The following CTNNA3 variants were observed in gnomAD, a reference collection of about 807,000 sequenced individuals.
The protein encoded by CTNNA3 is catenin alpha 3.
CTNNA3 carries 76 observed loss-of-function variants against 95.7 expected under a neutral mutation model. The ratio of observed to expected loss-of-function variants is 0.79; its 90% confidence interval spans 0.66 to 0.96. The LOEUF is 0.96. CTNNA3 is among the 40% of genes least tolerant of loss of function. The pLI, the probability that CTNNA3 is intolerant of heterozygous loss-of-function variation, is 0.00. For synonymous variants in CTNNA3, 431 were observed against 374.4 expected, an observed-to-expected ratio of 1.15 and a Z score of -1.74; for missense variants, 1,191 against 1,089.8, an observed-to-expected ratio of 1.09 and a Z score of -1.31.
intron 7 of CTNNA3, among the ~76,000 whole-genome samples, chr10:66,860,373 A>T (rs755368443): frequency 3.3e-5 from 5 of 152,144 alleles, no homozygotes; most frequent in Admixed American, 6.6e-5. Flanking sequence ...CAAAAATATC[A>T]AAGTTTATTT....
chr10:67,187,595 GA>G (rs1208198966), intron 6 of CTNNA3, among the ~76,000 whole-genome samples: 2 of 146,788 alleles, frequency 1.4e-5, no homozygotes, highest in African/African-American at 2.5e-5. Context: ...TTTCTTTTTT[GA>G]AAAAAATTTG....
chr10:66,062,288 G>C (rs943413609), intron 15 of CTNNA3, among the ~76,000 whole-genome samples: 1 of 152,048 alleles, frequency 6.6e-6, no homozygotes, highest in African/African-American at 2.4e-5. Flanking sequence ...TAAAGCATGA[G>C]CTATTTTTTC....
chr10:66,189,325 TTTCTC>T (rs1245620855), intron 13 of CTNNA3, among the ~76,000 whole-genome samples: 5 of 146,382 alleles, frequency 3.4e-5, no homozygotes, highest in African/African-American at 1.2e-4. Flanking sequence ...CATTTCCTCT[TTTCTC>T]TAGGAGTTTT....
intron 12 of CTNNA3, among the ~76,000 whole-genome samples, chr10:66,288,709 T>C (rs1009933392): frequency 6.6e-6 from 1 of 152,108 alleles, no homozygotes; most frequent in African/African-American, 2.4e-5. Context: ...TTCAAATATT[T>C]GCAAATCAAT....
At chr10:67,525,484 T>C (rs1840114115) in intron 4 of CTNNA3, among the ~76,000 whole-genome samples, 2 of 152,192 alleles carry the variant, frequency 1.3e-5, no homozygotes. Flanking sequence ...AATGTCTACT[T>C]TGTCTCAGCA....
At chr10:67,690,499 G>C (rs1166690499) in intron 1 of CTNNA3, among the ~76,000 whole-genome samples, 1 of 152,124 alleles carries the variant, frequency 6.6e-6, no homozygotes, top group Non-Finnish European at 1.5e-5. Context: ...ATTTTACAGA[G>C]TGACTGGTTC....
chr10:67,539,110 C>A (rs1490448099), intron 4 of CTNNA3, among the ~76,000 whole-genome samples: 1 of 152,122 alleles, frequency 6.6e-6, no homozygotes, highest in Non-Finnish European at 1.5e-5. Flanking sequence ...ATTTACAAAC[C>A]AGGATAAATT....
chr10:66,394,560 A>T lies in CTNNA3; in HGVS notation c.1532-15208T>A, dbSNP rs2092959981. On this transcript the variant is annotated intron_variant, in intron 11 of 17. Coordinates refer to ENST00000433211, the MANE Select transcript of CTNNA3 (RefSeq NM_013266.4). ...AACAAAGCACTGGGTTAAAAAAAAA[A>T]AAAAAAAAAAAGAAGAAGAAATCTT... Among the ~76,000 whole-genome samples, 2 of 151,522 alleles carry T rather than the reference A, an allele frequency of 1.3e-5. 1 individual carries two copies. Among genetic ancestry groups the T allele is most frequent in the South Asian group, 4.2e-4 (2 of 4,812 alleles).
intron 9 of CTNNA3, among the ~76,000 whole-genome samples, chr10:66,635,351 C>T (rs1164505877): frequency 6.6e-6 from 1 of 151,996 alleles, no homozygotes; most frequent in Non-Finnish European, 1.5e-5. Flanking sequence ...GCATGCAGGT[C>T]TAATAAGTGT....
At chr10:67,346,035 A>G (rs1488348174) in intron 5 of CTNNA3, among the ~76,000 whole-genome samples, 1 of 152,116 alleles carries the variant, frequency 6.6e-6, no homozygotes, top group Non-Finnish European at 1.5e-5. Context: ...AGGCTTGCAA[A>G]TACTATCTTA....
intron 14 of CTNNA3, among the ~76,000 whole-genome samples, chr10:66,071,399 C>T (rs1422923652): frequency 6.6e-6 from 1 of 152,202 alleles, no homozygotes; most frequent in Non-Finnish European, 1.5e-5. Flanking sequence ...ATTTAAACTT[C>T]ATAGCAGCCC....
intron 12 of CTNNA3, among the ~76,000 whole-genome samples, chr10:66,287,879 G>A (rs1162017538): frequency 6.6e-6 from 1 of 152,040 alleles, no homozygotes; most frequent in East Asian, 1.9e-4. Context: ...AAAACGTGGG[G>A]CTGAGGAAAT....
At chr10:67,566,363 A>G (rs1403207367) in intron 3 of CTNNA3, among the ~76,000 whole-genome samples, 2 of 151,428 alleles carry the variant, frequency 1.3e-5, no homozygotes, top group African/African-American at 4.9e-5. Context: ...TGGGCAAAGG[A>G]CATGAACAGA....
intron 16 of CTNNA3, among the ~76,000 whole-genome samples, chr10:65,971,839 C>A (rs931345879): frequency 6.6e-6 from 1 of 151,940 alleles, no homozygotes; most frequent in African/African-American, 2.4e-5. Flanking sequence ...GATAGGAAAA[C>A]CTGGTAAAGA....
chr10:67,723,453 G>C (rs1841191586), intron 1 of CTNNA3, among the ~76,000 whole-genome samples: 1 of 151,988 alleles, frequency 6.6e-6, no homozygotes, highest in Non-Finnish European at 1.5e-5. Context: ...ACCACATCTA[G>C]CTAGTTTTTG....
intron 7 of CTNNA3, among the ~76,000 whole-genome samples, chr10:67,041,203 A>G (rs1161343223): frequency 2.6e-5 from 4 of 152,064 alleles, no homozygotes; most frequent in Non-Finnish European, 5.9e-5. Context: ...AAGAAAATCA[A>G]ACTTGTCAGA....
At chr10:67,397,733 T>A (rs758156835) in intron 5 of CTNNA3, among the ~76,000 whole-genome samples, 1 of 152,220 alleles carries the variant, frequency 6.6e-6, no homozygotes, top group Non-Finnish European at 1.5e-5. Context: ...AATGATTTCA[T>A]GGGCAGAGCC....
At chr10:66,900,954 T>G (rs951223412) in intron 7 of CTNNA3, among the ~76,000 whole-genome samples, 7 of 152,146 alleles carry the variant, frequency 4.6e-5, no homozygotes, top group African/African-American at 1.7e-4. Flanking sequence ...AAAACACTCT[T>G]CAGGATATTA....
At chr10:66,540,590 G>A (rs1284937503) in intron 10 of CTNNA3, among the ~76,000 whole-genome samples, 1 of 152,000 alleles carries the variant, frequency 6.6e-6, no homozygotes, top group African/African-American at 2.4e-5. Context: ...ATAAACGTGA[G>A]CATAAAAAGC....
Sources: gnomAD v4.1 joint callset for allele counts (sites outside exome capture counted in the v4.1 genomes callset) on GRCh38, gnomAD v4.1.1 for gene constraint, MANE v1.5 for transcripts, NCBI Gene and HGNC (gene_info 2026-07-23, HGNC 2026-07-21) for gene names.